Variants in ZBTB16 observed in about 807,000 individuals in gnomAD.
ZBTB16 encodes the protein zinc finger and BTB domain containing 16.
A neutral mutation model predicts 56.8 loss-of-function variants in ZBTB16; 8 were observed. That is an observed-to-expected ratio of 0.14 (90% confidence interval 0.08 to 0.25). ZBTB16 has a LOEUF of 0.25. ZBTB16 is among the 10% of genes least tolerant of loss of function. The pLI is 1.00. For synonymous variants in ZBTB16, 363 were observed against 368.5 expected (o/e 0.98, Z 0.17); for missense variants, 625 against 903.0 (o/e 0.69, Z 3.95).
At chr11:114,156,857 G>A (rs1942426957) in intron 3 of ZBTB16, among the ~76,000 whole-genome samples, 1 of 152,224 alleles carries the variant, frequency 6.6e-6, no homozygotes, top group African/African-American at 2.4e-5. Flanking sequence ...TCTTTTGCAA[G>A]TTAATTTTAT....
chr11:114,128,125 A>G (rs566747832), intron 2 of ZBTB16, among the ~76,000 whole-genome samples: 7 of 152,242 alleles, frequency 4.6e-5, no homozygotes, highest in African/African-American at 9.6e-5. Flanking sequence ...CTCTCTGGGA[A>G]CTCAGTCTCG....
chr11:114,092,529 G>C (rs1940231042), intron 2 of ZBTB16, among the ~76,000 whole-genome samples: 1 of 152,200 alleles, frequency 6.6e-6, no homozygotes. Flanking sequence ...AGACCCCGCT[G>C]TCCTCTGCTC....
intron 4 of ZBTB16, among the ~76,000 whole-genome samples, chr11:114,204,078 C>G (rs1943796357): frequency 6.6e-6 from 1 of 152,152 alleles, no homozygotes; most frequent in Non-Finnish European, 1.5e-5. Flanking sequence ...AAAATCATAC[C>G]TGTAATACGG....
chr11:114,193,372 T>TC, intron 4 of ZBTB16, among the ~76,000 whole-genome samples: 1 of 151,978 alleles, frequency 6.6e-6, no homozygotes, highest in East Asian at 1.9e-4. Context: ...GTGGGCGAGC[T>TC]CCCCCAGCAG....
At chr11:114,174,732 C>T (rs913423324) in intron 3 of ZBTB16, among the ~76,000 whole-genome samples, 3 of 152,154 alleles carry the variant, frequency 2.0e-5, no homozygotes, top group Non-Finnish European at 2.9e-5. Context: ...TTCAAGAAAC[C>T]AATTGGCAGA....
At chr11:114,121,173 T>G (rs1370118622) in intron 2 of ZBTB16, among the ~76,000 whole-genome samples, 1 of 152,228 alleles carries the variant, frequency 6.6e-6, no homozygotes, top group African/African-American at 2.4e-5. Context: ...AGGAAATGTT[T>G]AATCCAGGTG....
At chr11:114,065,382 A>G (rs558011363) in intron 2 of ZBTB16, among the ~76,000 whole-genome samples, 1 of 151,794 alleles carries the variant, frequency 6.6e-6, no homozygotes, top group African/African-American at 2.4e-5. Flanking sequence ...CATGAGTTGC[A>G]TTTTCATTAC....
intron 2 of ZBTB16, among the ~76,000 whole-genome samples, chr11:114,116,519 C>T (rs1404872555): frequency 1.3e-5 from 2 of 152,148 alleles, no homozygotes; most frequent in Admixed American, 6.5e-5. Context: ...TTGAGCATTG[C>T]GTCATTGCAT....
Position 114,060,938 on chromosome 11 carries a change from T to G in ZBTB16, c.-91+1056T>G, listed in dbSNP as rs1938823200. Among the ~76,000 whole-genome samples, 1 of 151,964 alleles carries G rather than the reference T, an allele frequency of 6.6e-6. No individual in the cohort carries two copies. The highest frequency in any genetic ancestry group is 2.1e-4 in the South Asian group (1 of 4,826). On this transcript the variant is annotated intron_variant, in intron 1 of 6. Coordinates refer to ENST00000335953, the MANE Select transcript of ZBTB16 (RefSeq NM_006006.6). This position sits in a 1 kb window ranked among gnomAD's most constrained non-coding sequence, Gnocchi z 6.0. ...CAACTCGCTGCGGGGCTTTTGTGCT[T>G]CCCCTTCGCCGCGGGGCGGGTCCGC... is the stretch of plus-strand genomic sequence containing the variant.
intron 4 of ZBTB16, among the ~76,000 whole-genome samples, chr11:114,211,220 C>CT (rs1289587290): frequency 6.6e-6 from 1 of 152,170 alleles, no homozygotes; most frequent in African/African-American, 2.4e-5. Flanking sequence ...AGTGAGTGAC[C>CT]TAAAAGTGCA....
chr11:114,123,755 C>T (rs1376237266), intron 2 of ZBTB16, among the ~76,000 whole-genome samples: 2 of 152,046 alleles, frequency 1.3e-5, no homozygotes, highest in East Asian at 1.9e-4. Context: ...CTCTATGTTC[C>T]AAAGGAATTA....
At chr11:114,194,406 GC>G (rs1052975087) in intron 4 of ZBTB16, among the ~76,000 whole-genome samples, 1 of 152,010 alleles carries the variant, frequency 6.6e-6, no homozygotes, top group African/African-American at 2.4e-5. Context: ...ACCCCTCCTT[GC>G]CCCCTGCCCT....
At chr11:114,185,595 G>A (rs1477774451) in intron 3 of ZBTB16, among the ~76,000 whole-genome samples, 1 of 152,234 alleles carries the variant, frequency 6.6e-6, no homozygotes. Context: ...CATCTGTTGA[G>A]TAGATTGCGG....
At chr11:114,223,907 G>T (rs1188779540) in intron 4 of ZBTB16, among the ~76,000 whole-genome samples, 1 of 152,196 alleles carries the variant, frequency 6.6e-6, no homozygotes, top group Non-Finnish European at 1.5e-5. Context: ...TAAATGTCCA[G>T]AGTAGGGAGA....
At chr11:114,243,099 T>C (rs7934403) in intron 5 of ZBTB16, among the ~76,000 whole-genome samples, 14,565 of 152,172 alleles carry the variant, frequency 0.096, 2,300 homozygotes, top group African/African-American at 0.33. Context: ...AGCTCCCAGT[T>C]TTCCCTAACA....
intron 2 of ZBTB16, among the ~76,000 whole-genome samples, chr11:114,109,155 C>A (rs1377488777): frequency 6.6e-6 from 1 of 152,240 alleles, no homozygotes; most frequent in East Asian, 1.9e-4. Context: ...CTCCAGATGT[C>A]TGTTCTTCTA....
At chr11:114,061,875 C>T (rs1004587229) in intron 1 of ZBTB16, among the ~76,000 whole-genome samples, 1 of 152,176 alleles carries the variant, frequency 6.6e-6, no homozygotes, top group Admixed American at 6.5e-5. Context: ...TGCCCCTGGT[C>T]ACAGGACTTG....
intron 4 of ZBTB16, among the ~76,000 whole-genome samples, chr11:114,197,917 A>G (rs1306353002): frequency 6.6e-6 from 1 of 151,892 alleles, no homozygotes; most frequent in East Asian, 1.9e-4. Flanking sequence ...AAAACTGGCA[A>G]CTGTTCTAGT....
At chr11:114,083,613 T>C (rs1303216759) in intron 2 of ZBTB16, among the ~76,000 whole-genome samples, 1 of 152,156 alleles carries the variant, frequency 6.6e-6, no homozygotes, top group Non-Finnish European at 1.5e-5. Flanking sequence ...TCCACTACCC[T>C]GACATCTGGG....
Sources: allele counts gnomAD v4.1 joint callset (sites outside exome capture counted in the v4.1 genomes callset), GRCh38; gene constraint gnomAD v4.1.1; non-coding constraint Gnocchi (gnomAD v3.1); transcripts MANE v1.5; gene names NCBI Gene and HGNC (gene_info 2026-07-23, HGNC 2026-07-21).